The following AOC2 variants were observed in gnomAD, a reference collection of about 807,000 sequenced individuals.
AOC2 encodes the protein amine oxidase [copper-containing] 2.
In AOC2, 57 loss-of-function variants were observed where a neutral mutation model predicts 53.8. The observed-to-expected ratio is 1.06, with a 90% CI of 0.86 to 1.32. The LOEUF (loss-of-function observed/expected upper bound fraction) is 1.32. Ranked by LOEUF, AOC2 falls within the 40% of genes most tolerant of loss-of-function variation. The probability of loss-of-function intolerance (pLI) is 0.00; values close to 1 mark genes in which losing one functional copy is unlikely to be tolerated. For synonymous variants in AOC2, 404 were observed against 399.0 expected (o/e 1.01, Z -0.15); for missense variants, 1,008 against 957.2 (o/e 1.05, Z -0.70).
At position 42,850,403 on chromosome 17, in the gene AOC2, A is replaced by G; in HGVS notation, c.*55A>G. ...GGCACATGTACTTTTCCCTGTTTCTACTTTCTATTCTCCGTGTTTTTATCA... is the reference window on the plus strand; with the variant it reads ...GGCACATGTACTTTTCCCTGTTTCTGCTTTCTATTCTCCGTGTTTTTATCA... On this transcript the variant is annotated 3_prime_UTR_variant, in exon 4 of 4. Coordinates refer to ENST00000253799, the MANE Select transcript of AOC2 (RefSeq NM_009590.4). The G allele has an allele frequency of 7.3e-6, 11 of 1,510,964 alleles. No homozygotes were observed. The highest frequency in any genetic ancestry group is 9.7e-6 in the Non-Finnish European group (11 of 1,129,626). The allele number at this position is 1,510,964 out of a possible 1,614,324, so 93.6% of individuals were successfully genotyped here.
chr17:42,848,392 G>T (rs1034201938), intron 1 of AOC2, among the ~76,000 whole-genome samples: 1 of 151,530 alleles, frequency 6.6e-6, no homozygotes, highest in Non-Finnish European at 1.5e-5. Flanking sequence ...GGACTGTTTG[G>T]TAGTCCAGTG....
chr17:42,849,699 A>G lies in AOC2; in HGVS notation c.1973A>G (p.Asp658Gly), dbSNP rs749469132. 1 of 1,614,250 alleles carries G rather than the reference A, an allele frequency of 6.2e-7. No homozygotes were observed. Among genetic ancestry groups the G allele is most frequent in the Non-Finnish European group, 8.5e-7 (1 of 1,180,038 alleles). Residue 658 changes from aspartate (D) to glycine (G), a missense_variant, in exon 3 of 4, where the codon GAC becomes GGC. Transcript: ENST00000253799. The stretch of plus-strand genomic sequence containing the variant: ...TGGACACCCACAGTTACCTTTGCTG[A>G]CTTCATCAACAATGAAACCCTCTTA... ...DIWTPTVTFA[D>G]FINNETLLGE... is the part of the protein sequence containing the mutation.
Position 42,849,347 on chromosome 17 carries a change from T to G in AOC2, c.1850T>G (p.Met617Arg). ...ATACACATACCCCTGGAGAGTGACATGGAGAGGGCCCTCAGCTGGGGGAGG... is the reference window on the plus strand; with the variant it reads ...ATACACATACCCCTGGAGAGTGACAGGGAGAGGGCCCTCAGCTGGGGGAGG... ...LGIHIPLESD[M>R]ERALSWGRYQ... is the part of the protein sequence containing the mutation. The change falls in exon 2 of 4, where the codon ATG (methionine) becomes AGG (arginine). Residue 617 changes from methionine (M) to arginine (R), a missense_variant. Physicochemically the swap from Met to Arg is moderately conservative, Grantham distance 91. Coordinates refer to ENST00000253799, the MANE Select transcript of AOC2 (RefSeq NM_009590.4). 1 of 1,612,906 alleles carries G rather than the reference T, an allele frequency of 6.2e-7. No individual in the cohort carries two copies. The highest frequency in any genetic ancestry group is 8.5e-7 in the Non-Finnish European group (1 of 1,179,086).
chr17:42,847,495 A>G (rs2055607991), intron 1 of AOC2, among the ~76,000 whole-genome samples: 1 of 152,240 alleles, frequency 6.6e-6, no homozygotes, highest in Non-Finnish European at 1.5e-5. Flanking sequence ...TAGAATTCCA[A>G]GGAACTCCCA....
Position 42,850,388 on chromosome 17 carries a change from C to CT in AOC2, c.*44dup. On this transcript the variant is annotated 3_prime_UTR_variant, in exon 4 of 4. Coordinates refer to ENST00000253799, the MANE Select transcript of AOC2 (RefSeq NM_009590.4). ...CGGGCGGCGTGGTTAGGCACATGTA[C>CT]TTTTCCCTGTTTCTACTTTCTATTC... 2 of 1,531,742 alleles carry CT rather than the reference C, an allele frequency of 1.3e-6. No individual in the cohort carries two copies. The highest frequency in any genetic ancestry group is 1.8e-6 in the Non-Finnish European group (2 of 1,137,988). The allele number at this position is 1,531,742 out of a possible 1,614,324, so 94.9% of individuals were successfully genotyped here. A position where few individuals can be genotyped will look rare whatever the true frequency, so the allele number is the denominator to read the frequency against.
At chr17:42,849,823 T>C in intron 3 of AOC2, 93 bp downstream of exon 3, 1 of 1,566,750 alleles carries the variant, frequency 6.4e-7, no homozygotes, top group Non-Finnish European at 8.7e-7. Flanking sequence ...GAATGGCTGA[T>C]TTCCAGTTCG....
intron 1 of AOC2, 29 bp downstream of exon 1, chr17:42,846,243 C>G (rs780537609): frequency 2.2e-6 from 3 of 1,376,724 alleles, no homozygotes; most frequent in Non-Finnish European, 1.9e-6. Context: ...AGGATGGAGA[C>G]TTGGGGGCGG....
intron 2 of AOC2, 95 bp from the exon 3 acceptor site, chr17:42,849,506 G>A (rs1310814083): frequency 6.3e-7 from 1 of 1,597,478 alleles, no homozygotes; most frequent in Admixed American, 1.7e-5. Context: ...TACACGGTGG[G>A]AAATGGTCTC....
chr17:42,845,365 GC>G lies in AOC2; in HGVS notation c.742del (p.Leu248TrpfsTer49). On this transcript the variant is annotated frameshift_variant, in exon 1 of 4. Transcript: ENST00000253799. LOFTEE classifies it high-confidence loss of function. ...VGLELLLDHR[A>X]LDPAHWTVQQ... ...GCTGGAGCTACTACTGGACCACAGG[GC>G]CCTGGACCCTGCCCACTGGACTGTC... The G allele has an allele frequency of 6.2e-7, 1 of 1,614,178 alleles. No homozygotes were observed. Among genetic ancestry groups the G allele is most frequent in the East Asian group, 2.2e-5 (1 of 44,884 alleles).
At position 42,845,169 on chromosome 17, in the gene AOC2, G is replaced by T; in HGVS notation, c.543G>T (p.Glu181Asp). The T allele has an allele frequency of 6.2e-7, 1 of 1,613,828 alleles. No homozygotes were observed. Residue 181 changes from glutamate to aspartate, a missense_variant, in exon 1 of 4, where the codon GAG becomes GAT. By Grantham distance (45) the Glu-to-Asp change is conservative. Transcript: ENST00000253799. ...CACAGATGTGGAGGCATCTGAAAGA[G>T]GTGGAGCTACCCAAGGCACCCATCT... ...EFTQMWRHLK[E>D]VELPKAPIFL...
Position 42,849,318 on chromosome 17 carries a change from T to G in AOC2, c.1821T>G (p.Leu607=). The G allele has an allele frequency of 6.2e-7, 1 of 1,614,102 alleles. No homozygotes were observed. The highest frequency in any genetic ancestry group is 8.5e-7 in the Non-Finnish European group (1 of 1,179,984). Residue 607 remains leucine (L), a synonymous_variant, in exon 2 of 4, where the codon CTT becomes CTG. Coordinates refer to ENST00000253799, the MANE Select transcript of AOC2 (RefSeq NM_009590.4). ...RGYRIQIHSP[L]GIHIPLESDM... is the part of the protein sequence containing the mutation. ...ACCGAATCCAGATCCACAGCCCCCT[T>G]GGCATACACATACCCCTGGAGAGTG...
Position 42,846,217 on chromosome 17 carries a change from G to A in AOC2, c.1588+3G>A. The stretch of plus-strand genomic sequence containing the variant: ...CAAGCTGGACCTGGATGTGGCAGGT[G>A]AGTGCTGAGGGGATGAGGATGGAGA... On this transcript the variant is annotated splice_donor_region_variant and intron_variant, in intron 1 of 3. Transcript: ENST00000253799. 6.6e-7 allele frequency: 1 copy of A among 1,508,096 alleles called. No individual in the cohort carries two copies. The allele number at this position is 1,508,096 out of a possible 1,614,324, so 93.4% of individuals were successfully genotyped here. A position where few individuals can be genotyped will look rare whatever the true frequency, so the allele number is the denominator to read the frequency against.
chr17:42,848,655 A>G (rs1212332532), intron 1 of AOC2, among the ~76,000 whole-genome samples: 3 of 150,842 alleles, frequency 2.0e-5, no homozygotes, highest in Admixed American at 6.6e-5. Context: ...GGCTCAAGCA[A>G]TCCTCCTACC....
chr17:42,849,545 G>C, intron 2 of AOC2, 56 bp from the exon 3 acceptor site: 1 of 1,613,542 alleles, frequency 6.2e-7, no homozygotes, highest in Non-Finnish European at 8.5e-7. Context: ...GGGACTCCTG[G>C]GCCAGTAAAG....
chr17:42,845,934 G>T lies in AOC2; in HGVS notation c.1308G>T (p.Arg436Ser). ...AAGCCCAGGGACTGCCCCTTCGAAGGCACCACAATTACCTTCAAAATCATT... is the reference window on the plus strand; with the variant it reads ...AAGCCCAGGGACTGCCCCTTCGAAGTCACCACAATTACCTTCAAAATCATT... ...FEEAQGLPLR[R>S]HHNYLQNHFY... Residue 436 changes from arginine (R) to serine (S), a missense_variant, in exon 1 of 4, where the codon AGG becomes AGT. Physicochemically the swap from Arg to Ser is moderately radical, Grantham distance 110. Coordinates refer to ENST00000253799, the MANE Select transcript of AOC2 (RefSeq NM_009590.4). 1 of 1,614,142 alleles carries T rather than the reference G, an allele frequency of 6.2e-7. No homozygotes were observed. Among genetic ancestry groups the T allele is most frequent in the East Asian group, 2.2e-5 (1 of 44,876 alleles).
rs1337756759 is a variant in AOC2 at position 42,845,523 on chromosome 17, G to C, written c.897G>C (p.Arg299=). ...ATGGAGCTTCATCCCTGAGGTCTCG[G>C]AACTCTCCAGGTCCTCTTCCCCCTC... The part of the protein sequence containing the change: ...PPNGASSLRS[R]NSPGPLPPLQ... Residue 299 remains arginine (R), a synonymous_variant, in exon 1 of 4, where the codon CGG becomes CGC. Coordinates refer to ENST00000253799, the MANE Select transcript of AOC2 (RefSeq NM_009590.4). 6.2e-7 allele frequency: 1 copy of C among 1,614,064 alleles called. No homozygotes were observed.
At chr17:42,848,798 G>A (rs1398328469) in intron 1 of AOC2, among the ~76,000 whole-genome samples, 2 of 151,948 alleles carry the variant, frequency 1.3e-5, no homozygotes, top group Non-Finnish European at 2.9e-5. Flanking sequence ...TGATCCACCC[G>A]CCTCAGCCTC....
chr17:42,848,541 A>G (rs1473337519), intron 1 of AOC2, among the ~76,000 whole-genome samples: 1 of 136,294 alleles, frequency 7.3e-6, no homozygotes, highest in Non-Finnish European at 1.5e-5. Flanking sequence ...ATATATATAT[A>G]TATACATATA....
Position 42,846,121 on chromosome 17 carries a change from G to A in AOC2, c.1495G>A (p.Glu499Lys). 1 of 1,583,240 alleles carries A rather than the reference G, an allele frequency of 6.3e-7. No homozygotes were observed. Among genetic ancestry groups the A allele is most frequent in the Non-Finnish European group, 8.6e-7 (1 of 1,162,142 alleles). Residue 499 changes from glutamate (E) to lysine (K), a missense_variant, in exon 1 of 4, where the codon GAG becomes AAG. Physicochemically the swap from Glu to Lys is moderately conservative, Grantham distance 56. Transcript: ENST00000253799. The part of the protein sequence containing the change: ...INTAFLKGGE[E>K]GLLFGNRVGE... ...CACAGCTTTCCTGAAAGGGGGAGAG[G>A]AGGGCCTCCTCTTTGGGAACCGTGT... is the stretch of plus-strand genomic sequence containing the variant.
Sources: allele counts gnomAD v4.1 joint callset (sites outside exome capture counted in the v4.1 genomes callset), GRCh38; gene constraint gnomAD v4.1.1; transcripts MANE v1.5; gene names NCBI Gene and HGNC (gene_info 2026-07-23, HGNC 2026-07-21).